The following FAF1 variants were observed in gnomAD, a reference collection of about 807,000 sequenced individuals.
FAF1 encodes the protein FAS-associated factor 1.
FAF1 carries 25 observed loss-of-function variants against 92.5 expected under a neutral mutation model. That is an observed-to-expected ratio of 0.27 (90% CI 0.20 to 0.38). The LOEUF is 0.38. Among genes scored for constraint, FAF1 ranks in the 10% least tolerant of loss-of-function variants. The pLI is 1.00. For synonymous variants in FAF1, 234 were observed against 273.2 expected (o/e 0.86, Z 1.42); for missense variants, 636 against 793.3 (o/e 0.80, Z 2.38).
intron 1 of FAF1, among the ~76,000 whole-genome samples, chr1:50,930,795 C>T (rs1038449277): frequency 2.6e-5 from 4 of 151,730 alleles, no homozygotes; most frequent in Non-Finnish European, 5.9e-5. Context: ...AGCAAGACTC[C>T]GTCTCAAAAA....
At chr1:50,586,796 G>A (rs923862356) in intron 9 of FAF1, among the ~76,000 whole-genome samples, 1 of 152,178 alleles carries the variant, frequency 6.6e-6, no homozygotes, top group African/African-American at 2.4e-5. Context: ...TTGAGTTCCC[G>A]CTGTGTTTCA....
At chr1:50,860,618 C>T (rs576891347) in intron 1 of FAF1, among the ~76,000 whole-genome samples, 23 of 151,576 alleles carry the variant, frequency 1.5e-4, no homozygotes, top group African/African-American at 3.9e-4. Context: ...CTAGTGAGGC[C>T]GCAGATACAA....
At chr1:50,491,204 T>C (rs1298729636) in intron 16 of FAF1, among the ~76,000 whole-genome samples, 1 of 152,226 alleles carries the variant, frequency 6.6e-6, no homozygotes, top group African/African-American at 2.4e-5. Flanking sequence ...TCCTACTCAC[T>C]GAACTCTCAC....
At chr1:50,532,321 T>C (rs551576391) in intron 15 of FAF1, among the ~76,000 whole-genome samples, 1 of 152,312 alleles carries the variant, frequency 6.6e-6, no homozygotes, top group South Asian at 2.1e-4. Context: ...CAGTGCATTA[T>C]GGGGAACACA....
chr1:50,865,352 G>A (rs961799957), intron 1 of FAF1, among the ~76,000 whole-genome samples: 7 of 150,700 alleles, frequency 4.6e-5, no homozygotes, highest in African/African-American at 1.5e-4. Context: ...ATACCCAAAG[G>A]ACTATAAATC....
intron 7 of FAF1, among the ~76,000 whole-genome samples, chr1:50,668,608 C>T (rs926012340): frequency 3.9e-5 from 6 of 152,126 alleles, no homozygotes; most frequent in African/African-American, 9.7e-5. Context: ...TTAATTAAAT[C>T]GTATCAAATG....
intron 15 of FAF1, among the ~76,000 whole-genome samples, chr1:50,493,993 A>G (rs1293620859): frequency 6.6e-6 from 1 of 152,240 alleles, no homozygotes; most frequent in Non-Finnish European, 1.5e-5. Context: ...AAGGCCATCA[A>G]ATACAGGGAT....
At chr1:50,599,212 G>C (rs986342505) in intron 8 of FAF1, among the ~76,000 whole-genome samples, 1 of 152,028 alleles carries the variant, frequency 6.6e-6, no homozygotes, top group Non-Finnish European at 1.5e-5. Context: ...TCCCAGGTTC[G>C]AGTGATTCTC....
At chr1:50,493,127 G>A (rs1646860038) in intron 15 of FAF1, among the ~76,000 whole-genome samples, 1 of 151,242 alleles carries the variant, frequency 6.6e-6, no homozygotes, top group South Asian at 2.1e-4. Context: ...CAGCCTCCTG[G>A]GTTCAAGTGA....
chr1:50,521,783 A>G (rs370580221), intron 15 of FAF1, among the ~76,000 whole-genome samples: 6 of 152,192 alleles, frequency 3.9e-5, no homozygotes, highest in Non-Finnish European at 5.9e-5. Context: ...GTGTTCTGTC[A>G]TTACATGGCA....
chr1:50,549,281 C>T (rs1649176315), intron 13 of FAF1, among the ~76,000 whole-genome samples: 1 of 152,066 alleles, frequency 6.6e-6, no homozygotes, highest in African/African-American at 2.4e-5. Flanking sequence ...AATTTTCTAG[C>T]TGCCAAATTT....
intron 8 of FAF1, among the ~76,000 whole-genome samples, chr1:50,640,832 T>G (rs924870909): frequency 8.3e-6 from 1 of 120,282 alleles, no homozygotes; most frequent in Admixed American, 8.3e-5. Flanking sequence ...TCAGCTGATT[T>G]TTTTTTTTTT....
At chr1:50,923,837 TTAAA>T (rs1216092156) in intron 1 of FAF1, among the ~76,000 whole-genome samples, 1 of 152,182 alleles carries the variant, frequency 6.6e-6, no homozygotes, top group Non-Finnish European at 1.5e-5. Context: ...ATATTTTCAT[TTAAA>T]TAGACATTGA....
In FAF1 at chr1:50,747,659, A is replaced by G. The variant is rs534176140; in HGVS notation, c.368-2884T>C. 2.6e-5 allele frequency among the ~76,000 whole-genome samples: 4 copies of G among 152,272 alleles called. No individual in the cohort carries two copies. The South Asian group carries it at 8.3e-4, about 32-fold the overall frequency. ...TGAGAAGGGATGATTGTATTTTGCAATGTGAGAAGGACATGAGATTTGGGA... is the reference window on the plus strand; with the variant it reads ...TGAGAAGGGATGATTGTATTTTGCAGTGTGAGAAGGACATGAGATTTGGGA... On this transcript the variant is annotated intron_variant, in intron 4 of 18. Coordinates refer to ENST00000396153, the MANE Select transcript of FAF1 (RefSeq NM_007051.3).
intron 4 of FAF1, among the ~76,000 whole-genome samples, chr1:50,785,094 C>CT (rs1661311543): frequency 7.3e-6 from 1 of 136,848 alleles, no homozygotes; most frequent in Admixed American, 7.9e-5. Context: ...GACCTTGCTA[C>CT]TGTCCTCCAG....
At chr1:50,454,997 G>T (rs1646334981) in intron 18 of FAF1, among the ~76,000 whole-genome samples, 1 of 152,218 alleles carries the variant, frequency 6.6e-6, no homozygotes, top group Non-Finnish European at 1.5e-5. Flanking sequence ...GAGCCTCCAT[G>T]AATTCAAAGA....
At chr1:50,550,968 T>C (rs1177795492) in intron 13 of FAF1, among the ~76,000 whole-genome samples, 1 of 152,212 alleles carries the variant, frequency 6.6e-6, no homozygotes, top group African/African-American at 2.4e-5. Context: ...TAGATACATA[T>C]GGAATGGACA....
intron 15 of FAF1, among the ~76,000 whole-genome samples, chr1:50,510,745 C>A (rs1024494996): frequency 6.6e-6 from 1 of 151,894 alleles, no homozygotes. Context: ...TTCTGAAATA[C>A]CAAATTTCAA....
intron 15 of FAF1, among the ~76,000 whole-genome samples, chr1:50,528,478 T>C (rs1169681167): frequency 3.3e-5 from 5 of 152,200 alleles, no homozygotes; most frequent in Non-Finnish European, 7.4e-5. Flanking sequence ...ACACTGACAC[T>C]AGGGGTAAAT....
Sources: allele counts gnomAD v4.1 joint callset (sites outside exome capture counted in the v4.1 genomes callset), GRCh38; gene constraint gnomAD v4.1.1; transcripts MANE v1.5; gene names NCBI Gene and HGNC (gene_info 2026-07-23, HGNC 2026-07-21).